The following FOXO3 variants were observed in gnomAD, a reference collection of about 807,000 sequenced individuals.
The protein encoded by FOXO3 is forkhead box protein O3.
In FOXO3, 4 loss-of-function variants were observed where a neutral mutation model predicts 41.9. The observed-to-expected ratio is 0.10, with a 90% CI of 0.05 to 0.22. The LOEUF (loss-of-function observed/expected upper bound fraction) is 0.22, where lower values mean the gene tolerates loss of function less well. FOXO3 is among the 10% of genes least tolerant of loss of function. The pLI, the probability that FOXO3 is intolerant of heterozygous loss-of-function variation, is 1.00. For missense variants in FOXO3, 534 were observed against 906.8 expected (o/e 0.59, Z 5.28); for synonymous variants, 318 against 389.3 (o/e 0.82, Z 2.16).
At chr6:108,611,740 G>A (rs1338400692) in intron 1 of FOXO3, among the ~76,000 whole-genome samples, 2 of 150,228 alleles carry the variant, frequency 1.3e-5, no homozygotes, top group Non-Finnish European at 3.0e-5. Flanking sequence ...ATTTAGTTAG[G>A]AATTTCTTAT....
At chr6:108,608,636 G>A (rs1777274549) in intron 1 of FOXO3, among the ~76,000 whole-genome samples, 2 of 152,178 alleles carry the variant, frequency 1.3e-5, no homozygotes. Flanking sequence ...TGAACAGAGT[G>A]TACCATTTAG....
At chr6:108,637,172 A>G (rs1778142131) in intron 1 of FOXO3, among the ~76,000 whole-genome samples, 1 of 152,208 alleles carries the variant, frequency 6.6e-6, no homozygotes, top group South Asian at 2.1e-4. Context: ...TAGAAAGTGG[A>G]GAGGCTATTT....
chr6:108,571,987 G>A (rs993176401), intron 1 of FOXO3, among the ~76,000 whole-genome samples: 5 of 152,110 alleles, frequency 3.3e-5, no homozygotes, highest in Non-Finnish European at 7.4e-5. Flanking sequence ...GACAGAGGGA[G>A]GCATGAATTT....
At chr6:108,569,849 C>T (rs372505404) in intron 1 of FOXO3, among the ~76,000 whole-genome samples, 28 of 152,134 alleles carry the variant, frequency 1.8e-4, no homozygotes, top group East Asian at 1.5e-3. Context: ...CATACATTAC[C>T]TTCCTTCTGG....
At chr6:108,606,523 C>G (rs1179115900) in intron 1 of FOXO3, among the ~76,000 whole-genome samples, 1 of 152,208 alleles carries the variant, frequency 6.6e-6, no homozygotes, top group Non-Finnish European at 1.5e-5. Context: ...TTCTCGAGTT[C>G]CAAGTGTCTG....
chr6:108,616,153 A>G (rs1000006692), intron 1 of FOXO3, among the ~76,000 whole-genome samples: 1 of 121,392 alleles, frequency 8.2e-6, no homozygotes, highest in African/African-American at 3.0e-5. Flanking sequence ...ACGCCCAACT[A>G]AGGTTTTTTT....
At chr6:108,624,092 A>T (rs902754671) in intron 1 of FOXO3, among the ~76,000 whole-genome samples, 2 of 152,154 alleles carry the variant, frequency 1.3e-5, no homozygotes, top group African/African-American at 4.8e-5. Flanking sequence ...TCATCTCATG[A>T]ATCTGTTTGA....
intron 1 of FOXO3, chr6:108,618,409 G>A (rs1434185904): frequency 2.1e-6 from 1 of 479,508 alleles, no homozygotes; most frequent in East Asian, 4.1e-5. Flanking sequence ...ATGAAGGAGA[G>A]GGAATTTTAC....
chr6:108,648,347 A>G (rs540897231), intron 1 of FOXO3, among the ~76,000 whole-genome samples: 26 of 152,284 alleles, frequency 1.7e-4, no homozygotes, highest in African/African-American at 5.5e-4. Context: ...ACTTAGCTCT[A>G]TTTCCCACAA....
At chr6:108,608,894 G>A (rs986031828) in intron 1 of FOXO3, among the ~76,000 whole-genome samples, 1 of 152,206 alleles carries the variant, frequency 6.6e-6, no homozygotes, top group African/African-American at 2.4e-5. Flanking sequence ...TCCCAGGACA[G>A]ATTTGTTTCA....
chr6:108,579,562 C>T (rs1013539932), intron 1 of FOXO3, among the ~76,000 whole-genome samples: 9 of 152,172 alleles, frequency 5.9e-5, no homozygotes, highest in African/African-American at 2.2e-4. Flanking sequence ...GTGCTGGGGA[C>T]AGTAGGATCC....
intron 1 of FOXO3, among the ~76,000 whole-genome samples, chr6:108,617,764 T>C (rs1157744824): frequency 6.6e-6 from 1 of 152,230 alleles, no homozygotes; most frequent in African/African-American, 2.4e-5. Flanking sequence ...CCGTCTCCAC[T>C]TGATGTCAAT....
chr6:108,653,298 A>G (rs1238852067), intron 1 of FOXO3, among the ~76,000 whole-genome samples: 6 of 152,128 alleles, frequency 3.9e-5, no homozygotes, highest in African/African-American at 9.7e-5. Flanking sequence ...TTGACCCCCT[A>G]CTATGTACCA....
At chr6:108,662,488 A>C (rs556151809) in intron 1 of FOXO3, among the ~76,000 whole-genome samples, 1 of 152,254 alleles carries the variant, frequency 6.6e-6, no homozygotes, top group East Asian at 1.9e-4. Flanking sequence ...TGAATGGGAG[A>C]CTTGCCTACT....
At chr6:108,566,911 C>A (rs1033754655) in intron 1 of FOXO3, among the ~76,000 whole-genome samples, 1 of 152,176 alleles carries the variant, frequency 6.6e-6, no homozygotes. Flanking sequence ...AAAGAGAAAA[C>A]CCTTTTTACC....
intron 2 of FOXO3, 44 bp downstream of exon 2, chr6:108,664,933 G>T: frequency 1.3e-6 from 2 of 1,541,290 alleles, no homozygotes; most frequent in Admixed American, 3.8e-5. Context: ...ATATGGGGAT[G>T]AGGGGGGATC....
chr6:108,593,962 A>G (rs571551789), intron 1 of FOXO3, among the ~76,000 whole-genome samples: 9 of 146,878 alleles, frequency 6.1e-5, no homozygotes, highest in Admixed American at 2.0e-4. Context: ...CAGGTGATCT[A>G]CCCGCCTCGG....
intron 1 of FOXO3, among the ~76,000 whole-genome samples, chr6:108,647,243 C>T (rs937682576): frequency 6.6e-6 from 1 of 152,138 alleles, no homozygotes; most frequent in Non-Finnish European, 1.5e-5. Flanking sequence ...GGCAGCTACC[C>T]TAGACTGGAA....
chr6:108,679,027 G>A (rs1011936110), intron 2 of FOXO3, among the ~76,000 whole-genome samples: 22 of 151,688 alleles, frequency 1.5e-4, no homozygotes, highest in East Asian at 7.8e-4. Context: ...GCCCGCCACC[G>A]CGCCCGGCTA....
Sources: gnomAD v4.1 joint callset for allele counts (sites outside exome capture counted in the v4.1 genomes callset) on GRCh38, gnomAD v4.1.1 for gene constraint, MANE v1.5 for transcripts, NCBI Gene and HGNC (gene_info 2026-07-23, HGNC 2026-07-21) for gene names.